Variants in TCF25 observed in about 807,000 individuals in gnomAD.
TCF25 encodes the protein ribosome quality control complex subunit TCF25.
A neutral mutation model predicts 83.1 loss-of-function variants in TCF25; 41 were observed. The ratio of observed to expected loss-of-function variants is 0.49; its 90% CI spans 0.38 to 0.64. The LOEUF (loss-of-function observed/expected upper bound fraction) is 0.64, where lower values mean the gene tolerates loss of function less well. Among genes scored for constraint, TCF25 ranks in the 30% least tolerant of loss-of-function variants. The probability of loss-of-function intolerance (pLI) is 0.00; values close to 1 mark genes in which losing one functional copy is unlikely to be tolerated. For missense variants in TCF25, 979 were observed against 914.5 expected, an observed-to-expected ratio of 1.07 and a Z score of -0.91; for synonymous variants, 458 against 365.0, an observed-to-expected ratio of 1.25 and a Z score of -2.90.
Position 89,883,305 on chromosome 16 carries a change from CA to C in TCF25, c.193-45del, listed in dbSNP as rs2042746083. ...CTATTCATATCTCAGCATGAGCGTT[CA>C]CACTGTAAGTAACGCCCTGGCTCTT... is the stretch of plus-strand genomic sequence containing the variant. On this transcript the variant is annotated intron_variant, in intron 1 of 17. Coordinates refer to ENST00000263346, the MANE Select transcript of TCF25 (RefSeq NM_014972.3). The C allele has an allele frequency of 1.9e-6, 3 of 1,600,406 alleles. No individual in the cohort carries two copies. In the South Asian group the frequency reaches 3.3e-5, roughly 18 times the overall value.
chr16:89,874,650 C>G (rs75853165), intron 1 of TCF25: 1 of 152,466 alleles, frequency 6.6e-6, no homozygotes, highest in East Asian at 1.9e-4. Context: ...TCATGCGGTC[C>G]TGTGACGTTT....
At chr16:89,880,391 C>G (rs2042521087) in intron 1 of TCF25, among the ~76,000 whole-genome samples, 1 of 152,198 alleles carries the variant, frequency 6.6e-6, no homozygotes, top group African/African-American at 2.4e-5. Context: ...CGAGACCAGC[C>G]TGGCCAACAT....
chr16:89,879,402 G>A (rs1225862263), intron 1 of TCF25, among the ~76,000 whole-genome samples: 5 of 145,680 alleles, frequency 3.4e-5, no homozygotes, highest in Admixed American at 6.8e-5. Context: ...CCTGTCACAC[G>A]TGTTGTCCGT....
intron 1 of TCF25, chr16:89,878,481 T>TC: frequency 1.1e-6 from 1 of 915,814 alleles, no homozygotes; most frequent in Non-Finnish European, 1.5e-6. Flanking sequence ...CATTTTCCTC[T>TC]CCCCCTAAAA....
intron 1 of TCF25, chr16:89,878,505 C>A: frequency 2.4e-6 from 3 of 1,237,580 alleles, no homozygotes; most frequent in Non-Finnish European, 3.1e-6. Flanking sequence ...GATAAAACTC[C>A]TTCCTGGTTA....
intron 1 of TCF25, among the ~76,000 whole-genome samples, chr16:89,878,843 G>A (rs1264519366): frequency 2.6e-5 from 4 of 152,076 alleles, no homozygotes; most frequent in Admixed American, 6.6e-5. Context: ...GGGTTTCACC[G>A]TGTTAGCGAG....
intron 1 of TCF25, among the ~76,000 whole-genome samples, chr16:89,883,015 A>G (rs2042723488): frequency 6.6e-6 from 1 of 152,190 alleles, no homozygotes; most frequent in Admixed American, 6.5e-5. Flanking sequence ...TTGGCTGAAT[A>G]TATATATTTA....
intron 9 of TCF25, 67 bp from the exon 10 acceptor site, chr16:89,898,490 G>A (rs947787051): frequency 3.5e-5 from 54 of 1,533,256 alleles, no homozygotes; most frequent in Non-Finnish European, 3.8e-5. Context: ...GGTGCTGGCC[G>A]GGGCGCTGAG....
At chr16:89,884,551 T>C in intron 2 of TCF25, 31 bp from the exon 3 acceptor site, 1 of 1,607,344 alleles carries the variant, frequency 6.2e-7, no homozygotes, top group African/African-American at 1.3e-5. Flanking sequence ...TACTTCTCAT[T>C]CTACTGATGA....
rs747195994 is a variant in TCF25, at chr16:89,873,726, G to A, written c.59G>A (p.Gly20Glu). 3.1e-6 allele frequency: 5 copies of A among 1,611,506 alleles called. No homozygotes were observed. The East Asian group carries it at 8.9e-5, about 29-fold the overall frequency. ...RGEQRGQEPL[G>E]PGALHFDLRD... ...GAACAGCGCGGCCAGGAGCCCCTCG[G>A]GCCCGGCGCCTTGCATTTCGATCTC... The change falls in exon 1 of 18, where the codon GGG (glycine) becomes GAG (glutamate). Residue 20 changes from glycine to glutamate, a missense_variant. Physicochemically the swap from Gly to Glu is moderately conservative, Grantham distance 98. Transcript: ENST00000263346.
At chr16:89,875,967 T>G (rs1343478465) in intron 1 of TCF25, among the ~76,000 whole-genome samples, 1 of 151,646 alleles carries the variant, frequency 6.6e-6, no homozygotes, top group East Asian at 1.9e-4. Context: ...TACCCTACCA[T>G]GCTCAGCTTG....
chr16:89,904,905 G>C, intron 13 of TCF25, 33 bp from the exon 14 acceptor site: 1 of 1,587,904 alleles, frequency 6.3e-7, no homozygotes, highest in Non-Finnish European at 8.6e-7. Context: ...GGTCTGAAGA[G>C]GGGTTCTGCT....
intron 1 of TCF25, among the ~76,000 whole-genome samples, chr16:89,880,163 G>T (rs1474617364): frequency 1.5e-5 from 2 of 130,626 alleles, no homozygotes; most frequent in Admixed American, 7.2e-5. Flanking sequence ...CACGCGTGCT[G>T]TCCGTGTACA....
At chr16:89,878,405 G>A (rs2042349313) in intron 1 of TCF25, 4 of 1,216,322 alleles carry the variant, frequency 3.3e-6, no homozygotes, top group Non-Finnish European at 4.2e-6. Flanking sequence ...GGCCGACATG[G>A]TGAAACTCCG....
chr16:89,875,134 G>A (rs1293166999), intron 1 of TCF25, among the ~76,000 whole-genome samples: 1 of 152,174 alleles, frequency 6.6e-6, no homozygotes, highest in Admixed American at 6.5e-5. Flanking sequence ...CAGAGTGTTG[G>A]CATTAGAGGC....
chr16:89,895,826 C>T (rs1175150195), intron 8 of TCF25, among the ~76,000 whole-genome samples, 164 bp from the exon 9 acceptor site: 1 of 152,356 alleles, frequency 6.6e-6, no homozygotes, highest in South Asian at 2.1e-4. Flanking sequence ...ATAAATGCAG[C>T]GTGGCATCCA....
intron 17 of TCF25, 104 bp downstream of exon 17, chr16:89,910,767 C>T: frequency 7.5e-7 from 1 of 1,338,446 alleles, no homozygotes; most frequent in Non-Finnish European, 1.1e-6. Context: ...TGCCAGCCGG[C>T]ACAGGGAGCA....
chr16:89,904,862 C>T (rs774362982), intron 13 of TCF25, 76 bp from the exon 14 acceptor site: 4 of 1,533,708 alleles, frequency 2.6e-6, no homozygotes, highest in Non-Finnish European at 3.5e-6. Context: ...GTCTGCCCAT[C>T]CATGGGGCTC....
intron 3 of TCF25, 78 bp downstream of exon 3, chr16:89,884,734 G>A: frequency 3.0e-6 from 4 of 1,350,270 alleles, no homozygotes; most frequent in Non-Finnish European, 4.0e-6. Flanking sequence ...CTCTCCCTCT[G>A]CCTGACGCCC....
Sources: gnomAD v4.1 joint callset for allele counts (sites outside exome capture counted in the v4.1 genomes callset) on GRCh38, gnomAD v4.1.1 for gene constraint, MANE v1.5 for transcripts, NCBI Gene and HGNC (gene_info 2026-07-23, HGNC 2026-07-21) for gene names.